The following ATAD3A variants were observed in gnomAD, a reference collection of about 807,000 sequenced individuals.
ATAD3A encodes ATPase family AAA domain-containing protein 3A.
Under a neutral mutation model 73.8 loss-of-function variants are expected in ATAD3A, and 46 were observed. That is an observed-to-expected ratio of 0.62 (90% CI 0.49 to 0.80). ATAD3A has a LOEUF of 0.80. Ranked by LOEUF, ATAD3A falls within the 30% of genes least tolerant of loss-of-function variation. The pLI, the probability that ATAD3A is intolerant of heterozygous loss-of-function variation, is 0.00. For missense variants in ATAD3A, 705 were observed against 838.0 expected (o/e 0.84, Z 1.96); for synonymous variants, 319 against 350.0 (o/e 0.91, Z 0.99).
At chr1:1,518,668 C>A (rs1248279916) in intron 4 of ATAD3A, among the ~76,000 whole-genome samples, 1 of 73,444 alleles carries the variant, frequency 1.4e-5, no homozygotes, top group Non-Finnish European at 2.5e-5. Context: ...CGCACGGGTA[C>A]ACACACACAC....
chr1:1,521,224 G>A (rs369612009), intron 7 of ATAD3A, among the ~76,000 whole-genome samples: 2 of 149,516 alleles, frequency 1.3e-5, no homozygotes, highest in Non-Finnish European at 3.0e-5. Flanking sequence ...ACCTGAACCC[G>A]GGAGGCGGAG....
Position 1,520,751 on chromosome 1 carries a change from G to T in ATAD3A, c.750+134G>T, listed in dbSNP as rs1245616810. 2 of 1,405,976 alleles carry T rather than the reference G, an allele frequency of 1.4e-6. No individual in the cohort carries two copies. The highest frequency in any genetic ancestry group is 9.7e-7 in the Non-Finnish European group (1 of 1,027,786). The allele number at this position is 1,405,976 out of a possible 1,614,324, so 87.1% of individuals were successfully genotyped here. A position where few individuals can be genotyped will look rare whatever the true frequency, so the allele number is the denominator to read the frequency against. On this transcript the variant is annotated intron_variant, in intron 7 of 15. Transcript: ENST00000378756. This position sits in a 1 kb window ranked among gnomAD's most constrained non-coding sequence, Gnocchi z 4.0. ...TCCCAGCAGGGAGGAAGCCCACGTT[G>T]TACCTGCTGGCCTCGGCTTCTCCTC...
chr1:1,528,480 C>G (rs2100679933), intron 14 of ATAD3A, among the ~76,000 whole-genome samples: 1 of 152,344 alleles, frequency 6.6e-6, no homozygotes, highest in Middle Eastern at 3.4e-3. Context: ...CTCCCTCCAG[C>G]TGCCACACCC....
At position 1,520,627 on chromosome 1, in the gene ATAD3A, C is replaced by T. The variant is rs569633380; in HGVS notation, c.750+10C>T. 3.1e-4 allele frequency: 500 copies of T among 1,613,288 alleles called. No homozygotes were observed. The highest frequency in any genetic ancestry group is 9.8e-4 in the South Asian group (89 of 91,036). On this transcript the variant is annotated intron_variant, in intron 7 of 15. Transcript: ENST00000378756. The surrounding 1 kb of genome is among the most constrained non-coding windows in gnomAD (Gnocchi z 4.0). ...CAAAGTGACAGCCACGGTAAACATA[C>T]TCATAAAACAGGGCTGGCAGGTGGC...
At position 1,523,829 on chromosome 1, in the gene ATAD3A, T is replaced by TC. The variant is rs1641697571; in HGVS notation, c.964-6dup. 1 of 1,613,408 alleles carries TC rather than the reference T, an allele frequency of 6.2e-7. No homozygotes were observed. The highest frequency in any genetic ancestry group is 8.5e-7 in the Non-Finnish European group (1 of 1,179,922). ...CAGTGTCTCCTCCAAACCCCCGTCTTCCCCGGCAGCCCAGCCTGGAAGCAC... is the reference window on the plus strand; with the variant it reads ...CAGTGTCTCCTCCAAACCCCCGTCTTCCCCCGGCAGCCCAGCCTGGAAGCAC... On this transcript the variant is annotated splice_polypyrimidine_tract_variant and intron_variant, in intron 9 of 15. Coordinates refer to ENST00000378756, the MANE Select transcript of ATAD3A (RefSeq NM_001170535.3). The surrounding 1 kb of genome is among the most constrained non-coding windows in gnomAD (Gnocchi z 5.1).
chr1:1,522,685 C>T (rs1156438788), intron 7 of ATAD3A, 59 bp from the exon 8 acceptor site: 1 of 1,601,724 alleles, frequency 6.2e-7, no homozygotes, highest in Non-Finnish European at 8.5e-7. Flanking sequence ...CGTGCGTCTC[C>T]TGCTCTAAGA....
At chr1:1,518,219 C>G (rs1270407437) in intron 4 of ATAD3A, among the ~76,000 whole-genome samples, 1 of 151,238 alleles carries the variant, frequency 6.6e-6, no homozygotes. Context: ...CCCATACAGA[C>G]AGGTACGCAC....
chr1:1,525,367 C>G (rs1641771683), intron 12 of ATAD3A, 76 bp downstream of exon 12: 2 of 1,575,738 alleles, frequency 1.3e-6, no homozygotes, highest in Admixed American at 3.4e-5. Context: ...AGGCTGCAGC[C>G]CTCTGTTCAG....
intron 4 of ATAD3A, among the ~76,000 whole-genome samples, chr1:1,518,286 AC>A (rs888659437): frequency 6.7e-5 from 7 of 104,940 alleles, no homozygotes; most frequent in African/African-American, 2.7e-4. Context: ...ACAGGTACGT[AC>A]CCCCCCACAC....
intron 4 of ATAD3A, among the ~76,000 whole-genome samples, chr1:1,518,037 A>AGG (rs1253982961): frequency 6.6e-6 from 1 of 151,572 alleles, no homozygotes; most frequent in Non-Finnish European, 1.5e-5. Flanking sequence ...CCCAGCACAC[A>AGG]CAGACAGGTG....
At position 1,527,812 on chromosome 1, in the gene ATAD3A, G is replaced by A. The variant is rs1476534511; in HGVS notation, c.1455G>A (p.Val485=). 3 of 1,613,878 alleles carry A rather than the reference G, an allele frequency of 1.9e-6. No homozygotes were observed. Among genetic ancestry groups the A allele is most frequent in the Non-Finnish European group, 2.5e-6 (3 of 1,179,990 alleles). ...GGCAGGAGGAACGGGAGCGCCTGGT[G>A]AGAATGTATTTTGACAAGTATGTTC... ...LPGQEERERL[V]RMYFDKYVLK... is the part of the protein sequence containing the mutation. Residue 485 remains valine (V), a synonymous_variant, in exon 14 of 16, where the codon GTG becomes GTA. Transcript: ENST00000378756.
intron 7 of ATAD3A, 44 bp from the exon 8 acceptor site, chr1:1,522,700 G>C (rs1392039099): frequency 6.2e-7 from 1 of 1,607,918 alleles, no homozygotes; most frequent in African/African-American, 1.3e-5. Flanking sequence ...CTAAGAGGGA[G>C]GGACGGTGGG....
chr1:1,518,990 G>A lies in ATAD3A; in HGVS notation c.514G>A (p.Ala172Thr). Residue 172 changes from alanine (A) to threonine (T), a missense_variant and splice_region_variant, in exon 5 of 16, where the codon GCC becomes ACC. Ala to Thr is a moderately conservative substitution (Grantham distance 58, BLOSUM62 0). Around this residue, in one of 5 missense-constraint regions of ATAD3A, gnomAD observed 315 missense variants for 334.1 expected, o/e 0.94. Coordinates refer to ENST00000378756, the MANE Select transcript of ATAD3A (RefSeq NM_001170535.3). ...SVQKQEAMRR[A>T]TVEREMELRH... ...GCAGAAGCAGGAAGCCATGCGGCGA[G>A]GTAGGCTGTCTGCTCTCCTGGCTGG... The A allele has an allele frequency of 6.2e-7, 1 of 1,614,170 alleles. No homozygotes were observed. The highest frequency in any genetic ancestry group is 8.5e-7 in the Non-Finnish European group (1 of 1,179,992).
At chr1:1,532,765 G>A (rs1239107560) in intron 15 of ATAD3A, among the ~76,000 whole-genome samples, 1 of 152,184 alleles carries the variant, frequency 6.6e-6, no homozygotes, top group East Asian at 1.9e-4. Flanking sequence ...CAAAAATGAT[G>A]TTGAGCAGTC....
intron 14 of ATAD3A, among the ~76,000 whole-genome samples, chr1:1,528,396 TCTC>T (rs1641922496): frequency 6.8e-6 from 1 of 147,306 alleles, no homozygotes; most frequent in African/African-American, 2.7e-5. Flanking sequence ...CGAAGGAGTC[TCTC>T]CTCATGAGAC....
Position 1,527,713 on chromosome 1 carries a change from C to T in ATAD3A, c.1356C>T (p.Ala452=), listed in dbSNP as rs1641897860. ...CCCGCAGGTTCATGCTGGTCCTGGC[C>T]AGCAACCAACCAGAGCAGTTCGACT... is the stretch of plus-strand genomic sequence containing the variant. ...QHSNKFMLVL[A]SNQPEQFDWA... is the part of the protein sequence containing the mutation. The change falls in exon 14 of 16, where the codon GCC becomes GCT. Residue 452 remains alanine (A), a synonymous_variant. Coordinates refer to ENST00000378756, the MANE Select transcript of ATAD3A (RefSeq NM_001170535.3). 1 of 1,612,650 alleles carries T rather than the reference C, an allele frequency of 6.2e-7. No individual in the cohort carries two copies. The highest frequency in any genetic ancestry group is 1.7e-5 in the Admixed American group (1 of 59,860).
At chr1:1,517,114 G>T (rs1570322178) in intron 2 of ATAD3A, 197 bp from the exon 3 acceptor site, 2 of 1,540,690 alleles carry the variant, frequency 1.3e-6, no homozygotes, top group East Asian at 4.9e-5. Flanking sequence ...GCTTCTGCTG[G>T]TGCTTCTGTG....
rs199680128 is a variant in ATAD3A, at chr1:1,534,097, C to G, written c.*25C>G. The stretch of plus-strand genomic sequence containing the variant: ...AGTCCACAGGGAGATCCACAGCTCA[C>G]GGAGCCTGGCCGCGGACCCCTCCCA... On this transcript the variant is annotated 3_prime_UTR_variant, in exon 16 of 16. Transcript: ENST00000378756. The G allele has an allele frequency of 9.9e-6, 16 of 1,613,160 alleles. No individual in the cohort carries two copies. The highest frequency in any genetic ancestry group is 4.0e-5 in the African/African-American group (3 of 74,910).
rs1402893327 is a variant in ATAD3A, at chr1:1,530,853, A to AAC, written c.1614+1523_1614+1524insCA. On this transcript the variant is annotated intron_variant, in intron 15 of 15. Coordinates refer to ENST00000378756, the MANE Select transcript of ATAD3A (RefSeq NM_001170535.3). ...CAAAAAAAAAAAAAAAAAAAAAAAAAAACTAAGAATAATTTGGAACGAGTG... is the reference window on the plus strand; with the variant it reads ...CAAAAAAAAAAAAAAAAAAAAAAAAAACAACTAAGAATAATTTGGAACGAGTG... 6.1e-4 allele frequency among the ~76,000 whole-genome samples: 89 copies of AAC among 145,380 alleles called. 17 individuals carry two copies. The highest frequency in any genetic ancestry group is 2.2e-3 in the African/African-American group (84 of 37,476).
Sources: allele counts gnomAD v4.1 joint callset (sites outside exome capture counted in the v4.1 genomes callset), GRCh38; gene constraint gnomAD v4.1.1; regional missense constraint gnomAD v4.1.1; non-coding constraint Gnocchi (gnomAD v3.1); transcripts MANE v1.5; gene names NCBI Gene and HGNC (gene_info 2026-07-23, HGNC 2026-07-21).